The following PRKG1 variants were observed in gnomAD, a reference collection of about 807,000 sequenced individuals.
PRKG1 encodes the protein protein kinase cGMP-dependent 1.
PRKG1 carries 35 observed loss-of-function variants against 88.1 expected under a neutral mutation model. The ratio of observed to expected loss-of-function variants is 0.40; its 90% CI spans 0.30 to 0.53. The LOEUF (loss-of-function observed/expected upper bound fraction) is 0.53, where lower values mean the gene tolerates loss of function less well. PRKG1 is among the 20% of genes least tolerant of loss of function. The pLI is 0.59. For missense variants in PRKG1, 540 were observed against 839.8 expected (o/e 0.64, Z 4.41); for synonymous variants, 303 against 292.5 (o/e 1.04, Z -0.37).
intron 2 of PRKG1, among the ~76,000 whole-genome samples, chr10:51,158,820 TA>T (rs1846283954): frequency 6.6e-6 from 1 of 152,084 alleles, no homozygotes; most frequent in Non-Finnish European, 1.5e-5. Context: ...TTTTTATTTT[TA>T]TTTTTTAAGA....
chr10:51,632,324 G>A (rs150938910), intron 3 of PRKG1, among the ~76,000 whole-genome samples: 10 of 152,182 alleles, frequency 6.6e-5, no homozygotes, highest in African/African-American at 2.4e-4. Flanking sequence ...GGGATGCAAC[G>A]GGAAAAATGC....
intron 3 of PRKG1, among the ~76,000 whole-genome samples, chr10:51,671,762 A>T (rs1840586087): frequency 6.6e-6 from 1 of 151,772 alleles, no homozygotes; most frequent in African/African-American, 2.4e-5. Context: ...AATTTTTTGT[A>T]TTTTTTGTAG....
intron 9 of PRKG1, among the ~76,000 whole-genome samples, chr10:52,241,923 C>T (rs1296356503): frequency 6.6e-6 from 1 of 152,126 alleles, no homozygotes; most frequent in Non-Finnish European, 1.5e-5. Flanking sequence ...TCTTCTTAGT[C>T]TTCGGGTAGA....
At chr10:51,038,400 C>A (rs1044491384) in intron 1 of PRKG1, among the ~76,000 whole-genome samples, 3 of 152,142 alleles carry the variant, frequency 2.0e-5, no homozygotes, top group African/African-American at 7.2e-5. Context: ...TTCTGTTGTG[C>A]TGTCAAATAC....
intron 9 of PRKG1, among the ~76,000 whole-genome samples, chr10:52,193,863 A>G (rs1241831164): frequency 2.6e-5 from 4 of 152,124 alleles, no homozygotes; most frequent in Admixed American, 2.0e-4. Context: ...TTTTTAGAGG[A>G]GCAGAATGTG....
chr10:52,125,504 G>T (rs756889186), intron 7 of PRKG1, among the ~76,000 whole-genome samples: 4 of 152,070 alleles, frequency 2.6e-5, no homozygotes, highest in Non-Finnish European at 4.4e-5. Flanking sequence ...TCACTTATCT[G>T]CAGGGAATAT....
At chr10:51,256,787 G>A (rs574137236) in intron 2 of PRKG1, among the ~76,000 whole-genome samples, 69 of 152,220 alleles carry the variant, frequency 4.5e-4, no homozygotes, top group African/African-American at 1.6e-3. Flanking sequence ...CGGGGAACTA[G>A]AAAGTGAGGG....
At chr10:51,350,932 C>A (rs969286488) in intron 2 of PRKG1, among the ~76,000 whole-genome samples, 2 of 152,104 alleles carry the variant, frequency 1.3e-5, no homozygotes, top group Admixed American at 6.5e-5. Flanking sequence ...CATCCCCTGA[C>A]AGGCCCTGGT....
At chr10:51,528,423 T>C (rs1046566271) in intron 3 of PRKG1, among the ~76,000 whole-genome samples, 2 of 137,388 alleles carry the variant, frequency 1.5e-5, no homozygotes, top group African/African-American at 4.9e-5. Context: ...TACACTTTTT[T>C]CCCCAAAGGA....
chr10:51,340,375 T>C (rs1232484268), intron 2 of PRKG1, among the ~76,000 whole-genome samples: 1 of 152,156 alleles, frequency 6.6e-6, no homozygotes, highest in African/African-American at 2.4e-5. Context: ...AACTCATTTC[T>C]AATCATTTAA....
At chr10:51,589,450 C>A (rs1474598064) in intron 3 of PRKG1, among the ~76,000 whole-genome samples, 1 of 152,044 alleles carries the variant, frequency 6.6e-6, no homozygotes, top group African/African-American at 2.4e-5. Flanking sequence ...ATCATGAAAC[C>A]CCGTCTCTAC....
intron 3 of PRKG1, among the ~76,000 whole-genome samples, chr10:51,745,801 G>A (rs532060445): frequency 3.2e-4 from 48 of 152,262 alleles, no homozygotes; most frequent in African/African-American, 1.1e-3. Context: ...TTGAGGTCAG[G>A]AGTTTGAGAC....
intron 2 of PRKG1, among the ~76,000 whole-genome samples, chr10:51,354,746 G>A (rs1029138050): frequency 2.6e-5 from 4 of 152,168 alleles, no homozygotes; most frequent in Admixed American, 1.3e-4. Context: ...TTTGTTTCCA[G>A]GTCTTCATAA....
At chr10:51,814,638 G>T (rs1839540230) in intron 4 of PRKG1, among the ~76,000 whole-genome samples, 1 of 152,038 alleles carries the variant, frequency 6.6e-6, no homozygotes, top group South Asian at 2.1e-4. Flanking sequence ...AAGTTGGTTT[G>T]CTCACAGACC....
intron 2 of PRKG1, among the ~76,000 whole-genome samples, chr10:51,195,962 C>G (rs1444524766): frequency 6.6e-6 from 1 of 152,134 alleles, no homozygotes; most frequent in Non-Finnish European, 1.5e-5. Flanking sequence ...AACACATTTT[C>G]CACTTGAGCT....
At chr10:51,107,651 C>A (rs1458049326) in intron 1 of PRKG1, among the ~76,000 whole-genome samples, 1 of 151,410 alleles carries the variant, frequency 6.6e-6, no homozygotes. Flanking sequence ...CAGTGAGACC[C>A]CATATCTACA....
chr10:52,284,222 C>T, intron 14 of PRKG1, among the ~76,000 whole-genome samples: 1 of 151,654 alleles, frequency 6.6e-6, no homozygotes, highest in Admixed American at 6.6e-5. Context: ...TCTAAATAAC[C>T]TCAAGGACAT....
At chr10:52,051,159 G>A (rs1355946316) in intron 5 of PRKG1, among the ~76,000 whole-genome samples, 3 of 152,166 alleles carry the variant, frequency 2.0e-5, no homozygotes, top group Non-Finnish European at 2.9e-5. Context: ...CTTTCTGAAA[G>A]AAAATAACTA....
chr10:51,094,621 G>A (rs1219529789), intron 1 of PRKG1, among the ~76,000 whole-genome samples: 1 of 151,878 alleles, frequency 6.6e-6, no homozygotes, highest in Non-Finnish European at 1.5e-5. Context: ...TCCACTGGGG[G>A]TCTAGGGCAG....
Sources: allele counts gnomAD v4.1 joint callset (sites outside exome capture counted in the v4.1 genomes callset), GRCh38; gene constraint gnomAD v4.1.1; transcripts MANE v1.5; gene names NCBI Gene and HGNC (gene_info 2026-07-23, HGNC 2026-07-21).